The following PLXNA2 variants were observed in gnomAD, a reference collection of about 807,000 sequenced individuals.
The protein encoded by PLXNA2 is plexin-A2.
A neutral mutation model predicts 193.5 loss-of-function variants in PLXNA2; 91 were observed. The observed-to-expected ratio is 0.47, with a 90% CI of 0.40 to 0.56. The LOEUF (loss-of-function observed/expected upper bound fraction) is 0.56, where lower values mean the gene tolerates loss of function less well. Among genes scored for constraint, PLXNA2 ranks in the 20% least tolerant of loss-of-function variants. PLXNA2 has a pLI of 0.00. For synonymous variants in PLXNA2, 997 were observed against 1,027.3 expected (o/e 0.97, Z 0.56); for missense variants, 1,995 against 2,503.2 (o/e 0.80, Z 4.33).
intron 12 of PLXNA2, among the ~76,000 whole-genome samples, chr1:208,071,347 G>A (rs1665971251): frequency 6.6e-6 from 1 of 152,240 alleles, no homozygotes; most frequent in African/African-American, 2.4e-5. Flanking sequence ...AGTCGAGGAT[G>A]TGTTGACAGC....
At chr1:208,063,060 T>C (rs2478821) in intron 12 of PLXNA2, among the ~76,000 whole-genome samples, 147,000 of 152,272 alleles carry the variant, frequency 0.97, 71,186 homozygotes, top group Middle Eastern at 1. Flanking sequence ...TCCATCCCCT[T>C]CCCTAGCCAC....
intron 3 of PLXNA2, among the ~76,000 whole-genome samples, chr1:208,154,926 G>A (rs1342015865): frequency 6.6e-6 from 1 of 152,216 alleles, no homozygotes; most frequent in Non-Finnish European, 1.5e-5. Flanking sequence ...AAACTGGAAA[G>A]GAAAGCATGA....
intron 3 of PLXNA2, chr1:208,209,983 A>AATTTTTTTTTTCTTTTTTT (rs34413554): frequency 1.1e-5 from 1 of 87,322 alleles, no homozygotes; most frequent in Non-Finnish European, 2.1e-5. Context: ...ATGAAGAGCA[A>AATTTTTTTTTTCTTTTTTT]TTTTTTTTTT....
chr1:208,098,619 C>A (rs1254265215), intron 6 of PLXNA2, among the ~76,000 whole-genome samples: 1 of 152,148 alleles, frequency 6.6e-6, no homozygotes, highest in Non-Finnish European at 1.5e-5. Context: ...ATGCAAAAAT[C>A]TAGATTTACA....
At chr1:208,101,644 G>A (rs1667100569) in intron 5 of PLXNA2, among the ~76,000 whole-genome samples, 1 of 152,248 alleles carries the variant, frequency 6.6e-6, no homozygotes, top group Non-Finnish European at 1.5e-5. Context: ...GGGAGGCCCA[G>A]GCATTGCTGA....
At chr1:208,197,335 C>T (rs1419911557) in intron 3 of PLXNA2, among the ~76,000 whole-genome samples, 2 of 152,242 alleles carry the variant, frequency 1.3e-5, no homozygotes, top group Non-Finnish European at 2.9e-5. Flanking sequence ...AACCCTTGTG[C>T]ATGACGACAC....
At chr1:208,143,844 G>A (rs1668529404) in intron 3 of PLXNA2, among the ~76,000 whole-genome samples, 2 of 151,838 alleles carry the variant, frequency 1.3e-5, no homozygotes, top group Non-Finnish European at 2.9e-5. Context: ...TGCTTCAGAT[G>A]TGCGTAAGTC....
intron 3 of PLXNA2, among the ~76,000 whole-genome samples, chr1:208,153,932 G>A (rs1668851964): frequency 6.6e-6 from 1 of 151,092 alleles, no homozygotes; most frequent in South Asian, 2.1e-4. Flanking sequence ...CCCCTCCCAG[G>A]AGAGGGGCTT....
chr1:208,062,310 T>G (rs1416493491), intron 12 of PLXNA2, among the ~76,000 whole-genome samples: 1 of 152,184 alleles, frequency 6.6e-6, no homozygotes, highest in Non-Finnish European at 1.5e-5. Flanking sequence ...TCTTATCTCC[T>G]GGCTTCTCGG....
chr1:208,023,943 A>C lies in PLXNA2; in HGVS notation c.*3300T>G, dbSNP rs1247250888. The C allele has an allele frequency of 1.3e-5, 2 of 152,302 alleles. No homozygotes were observed. The highest frequency in any genetic ancestry group is 2.9e-5 in the Non-Finnish European group (2 of 68,102). The allele number at this position is 152,302 out of a possible 1,614,324, so 9.4% of individuals were successfully genotyped here. Reference sequence around the variant, plus strand: ...TCTGTAAAGAGGGGAACCCTCTGCCAATGGGGGATCAAAATGGTTTTGAGA... The same window carrying C: ...TCTGTAAAGAGGGGAACCCTCTGCCCATGGGGGATCAAAATGGTTTTGAGA... On this transcript the variant is annotated 3_prime_UTR_variant, in exon 32 of 32. Coordinates refer to ENST00000367033, the MANE Select transcript of PLXNA2 (RefSeq NM_025179.4).
chr1:208,195,896 C>T (rs892729825), intron 3 of PLXNA2, among the ~76,000 whole-genome samples: 1 of 151,952 alleles, frequency 6.6e-6, no homozygotes, highest in African/African-American at 2.4e-5. Flanking sequence ...CTGAGACTTA[C>T]ATTACCCAAC....
intron 3 of PLXNA2, among the ~76,000 whole-genome samples, chr1:208,147,327 C>T (rs773676350): frequency 6.6e-6 from 1 of 152,182 alleles, no homozygotes; most frequent in Non-Finnish European, 1.5e-5. Context: ...CCAGCCTAAA[C>T]TCTGACATGA....
At chr1:208,065,749 C>T (rs1158298190) in intron 12 of PLXNA2, among the ~76,000 whole-genome samples, 4 of 152,106 alleles carry the variant, frequency 2.6e-5, no homozygotes, top group Admixed American at 6.5e-5. Context: ...GTAGTGATGC[C>T]GCCAGAGCAG....
intron 4 of PLXNA2, among the ~76,000 whole-genome samples, chr1:208,124,236 G>C (rs893976972): frequency 2.0e-5 from 3 of 152,110 alleles, no homozygotes; most frequent in Non-Finnish European, 4.4e-5. Context: ...GGGAGGGAAG[G>C]GGGAGAGGAG....
intron 2 of PLXNA2, among the ~76,000 whole-genome samples, chr1:208,215,734 T>C (rs1459320665): frequency 2.0e-5 from 3 of 150,432 alleles, no homozygotes; most frequent in Non-Finnish European, 3.0e-5. Context: ...GGAAAGGGGA[T>C]GGATGAAAGG....
At chr1:208,043,901 G>A (rs1194950880) in intron 20 of PLXNA2, among the ~76,000 whole-genome samples, 2 of 152,240 alleles carry the variant, frequency 1.3e-5, no homozygotes, top group Admixed American at 6.5e-5. Flanking sequence ...GAGCCTGCCA[G>A]GTCCTCAGCC....
intron 15 of PLXNA2, among the ~76,000 whole-genome samples, chr1:208,051,765 C>T (rs1665270405): frequency 6.6e-6 from 1 of 152,160 alleles, no homozygotes; most frequent in Non-Finnish European, 1.5e-5. Context: ...CACTGAGCAC[C>T]TACTGTACAT....
chr1:208,063,586 T>C (rs1665684817), intron 12 of PLXNA2, among the ~76,000 whole-genome samples: 4 of 152,096 alleles, frequency 2.6e-5, no homozygotes, highest in Admixed American at 2.6e-4. Context: ...TTAAACCAGG[T>C]CCACAGGGCT....
rs535616288 is a variant in PLXNA2 at position 208,106,841 on chromosome 1, T to C, written c.1507-3594A>G. 5.3e-5 allele frequency among the ~76,000 whole-genome samples: 8 copies of C among 152,354 alleles called. No homozygotes were observed. The South Asian group carries it at 1.7e-3, about 32-fold the overall frequency. Reference sequence around the variant, plus strand: ...TGACAGTGCTGCCCTAAACGGAGTATACACAGTATGTGTCCGGGCCTTAAA... The same window carrying C: ...TGACAGTGCTGCCCTAAACGGAGTACACACAGTATGTGTCCGGGCCTTAAA... On this transcript the variant is annotated intron_variant, in intron 4 of 31. Transcript: ENST00000367033.
Sources: gnomAD v4.1 joint callset for allele counts (sites outside exome capture counted in the v4.1 genomes callset) on GRCh38, gnomAD v4.1.1 for gene constraint, MANE v1.5 for transcripts, NCBI Gene and HGNC (gene_info 2026-07-23, HGNC 2026-07-21) for gene names.